The following EXOC6B variants were observed in gnomAD, a reference collection of about 807,000 sequenced individuals.
EXOC6B encodes exocyst complex component 6B, also known as SEC15 homolog B.
EXOC6B carries 54 observed loss-of-function variants against 113.5 expected under a neutral mutation model. The observed-to-expected ratio is 0.48, with a 90% CI of 0.38 to 0.60. The LOEUF is 0.60. Ranked by LOEUF, EXOC6B falls within the 20% of genes least tolerant of loss-of-function variation. The pLI is 0.00. For missense variants in EXOC6B, 797 were observed against 977.5 expected (o/e 0.82, Z 2.46); for synonymous variants, 357 against 339.0 (o/e 1.05, Z -0.58).
chr2:72,281,611 C>T lies in EXOC6B; in HGVS notation c.2196+53336G>A, dbSNP rs372393318. Among the ~76,000 whole-genome samples the T allele has an allele frequency of 5.3e-5, 8 of 152,102 alleles. No homozygotes were observed. The South Asian group carries it at 1.2e-3, about 24-fold the overall frequency. On this transcript the variant is annotated intron_variant, in intron 20 of 21. Coordinates refer to ENST00000272427, the MANE Select transcript of EXOC6B (RefSeq NM_015189.3). ...GACAGAAGCAAAATCTAGACTGAAG[C>T]GGAAAGCAAAACAACATATGTGCAT...
intron 7 of EXOC6B, among the ~76,000 whole-genome samples, chr2:72,561,979 G>T (rs1294584080): frequency 6.6e-6 from 1 of 151,988 alleles, no homozygotes. Context: ...AGTAAAATGG[G>T]GCTTCCGTTC....
At chr2:72,331,295 A>C (rs1216046473) in intron 20 of EXOC6B, among the ~76,000 whole-genome samples, 1 of 152,100 alleles carries the variant, frequency 6.6e-6, no homozygotes, top group Admixed American at 6.6e-5. Flanking sequence ...AGGCACTTAG[A>C]CTTTGATAAA....
At chr2:72,353,023 A>G (rs371848244) in intron 19 of EXOC6B, among the ~76,000 whole-genome samples, 14 of 152,332 alleles carry the variant, frequency 9.2e-5, no homozygotes, top group African/African-American at 2.6e-4. Flanking sequence ...TGAATGCATC[A>G]GAAATTCTTG....
intron 5 of EXOC6B, among the ~76,000 whole-genome samples, chr2:72,726,107 G>A (rs1054747239): frequency 6.6e-6 from 1 of 152,130 alleles, no homozygotes; most frequent in African/African-American, 2.4e-5. Flanking sequence ...CTTCCATTAT[G>A]CTAAGTGGAA....
chr2:72,727,155 A>T (rs1680351105), intron 5 of EXOC6B, among the ~76,000 whole-genome samples: 1 of 152,228 alleles, frequency 6.6e-6, no homozygotes, highest in Admixed American at 6.5e-5. Flanking sequence ...AATATAAAAC[A>T]ACAACCTGAA....
At chr2:72,737,906 G>A (rs982591317) in intron 2 of EXOC6B, among the ~76,000 whole-genome samples, 3 of 151,962 alleles carry the variant, frequency 2.0e-5, no homozygotes, top group Non-Finnish European at 4.4e-5. Context: ...TTAAAATGAT[G>A]AAACATTTTA....
intron 6 of EXOC6B, among the ~76,000 whole-genome samples, chr2:72,636,532 A>AGCGGC (rs1326034321): frequency 6.8e-6 from 1 of 147,580 alleles, no homozygotes; most frequent in Admixed American, 6.7e-5. Context: ...AAGAAGAGGC[A>AGCGGC]GCGGCGGCAG....
At chr2:72,738,670 C>T (rs750488487) in intron 2 of EXOC6B, among the ~76,000 whole-genome samples, 15 of 152,146 alleles carry the variant, frequency 9.9e-5, no homozygotes, top group African/African-American at 3.6e-4. Context: ...CATAGAAAGA[C>T]GCACTATTGA....
At chr2:72,782,349 T>C (rs1684099797) in intron 1 of EXOC6B, among the ~76,000 whole-genome samples, 2 of 152,158 alleles carry the variant, frequency 1.3e-5, no homozygotes, top group Non-Finnish European at 2.9e-5. Flanking sequence ...TCTCATAATT[T>C]CTTTTTGGCT....
At chr2:72,542,980 G>T (rs1337973107) in intron 8 of EXOC6B, among the ~76,000 whole-genome samples, 2 of 152,126 alleles carry the variant, frequency 1.3e-5, no homozygotes, top group African/African-American at 4.8e-5. Context: ...CTGAGTTAAG[G>T]GAGAAAAGGT....
At chr2:72,657,567 CTTTTT>C (rs70963136) in intron 6 of EXOC6B, among the ~76,000 whole-genome samples, 16 of 50,358 alleles carry the variant, frequency 3.2e-4, no homozygotes. Flanking sequence ...CTTTCCTTTT[CTTTTT>C]TTTTTTTTTT....
At chr2:72,592,991 G>A (rs939105939) in intron 6 of EXOC6B, among the ~76,000 whole-genome samples, 31 of 152,106 alleles carry the variant, frequency 2.0e-4, no homozygotes, top group African/African-American at 7.5e-4. Flanking sequence ...AAAAGAAGAG[G>A]TGGAAATTAG....
intron 18 of EXOC6B, among the ~76,000 whole-genome samples, chr2:72,414,486 T>C (rs1694393817): frequency 1.3e-5 from 2 of 152,216 alleles, no homozygotes; most frequent in African/African-American, 4.8e-5. Context: ...AGTGCTTGAC[T>C]CCAGTTAGCT....
chr2:72,690,090 GC>G (rs1677374578), intron 6 of EXOC6B, among the ~76,000 whole-genome samples: 1 of 152,158 alleles, frequency 6.6e-6, no homozygotes, highest in African/African-American at 2.4e-5. Flanking sequence ...TGCCTATGAG[GC>G]TATGAGGAAA....
intron 18 of EXOC6B, among the ~76,000 whole-genome samples, chr2:72,382,782 TTG>T (rs1415629292): frequency 6.6e-6 from 1 of 152,138 alleles, no homozygotes; most frequent in Non-Finnish European, 1.5e-5. Flanking sequence ...TTTTATTTTT[TTG>T]TATGGGATTG....
intron 14 of EXOC6B, among the ~76,000 whole-genome samples, chr2:72,496,131 A>T (rs1378166168): frequency 6.6e-6 from 1 of 152,168 alleles, no homozygotes; most frequent in Non-Finnish European, 1.5e-5. Context: ...AATGTCTTTA[A>T]ATTTTAATAA....
In EXOC6B at chr2:72,317,559, T is replaced by TCACACACACA. The variant is rs72124979; in HGVS notation, c.2196+17378_2196+17387dup. Among the ~76,000 whole-genome samples the TCACACACACA allele has an allele frequency of 5.1e-3, 711 of 140,680 alleles. 3 individuals carry two copies. Among genetic ancestry groups the TCACACACACA allele is most frequent in the African/African-American group, 9.2e-3 (359 of 39,130 alleles). 92.3% of individuals were successfully genotyped at this position (140,680 alleles called of 152,430 possible). On this transcript the variant is annotated intron_variant, in intron 20 of 21. Coordinates refer to ENST00000272427, the MANE Select transcript of EXOC6B (RefSeq NM_015189.3). Reference sequence around the variant, plus strand: ...ACACAGGGAAGCATGTATGAACACATCACACACACACACACACACACACAC... The same window carrying TCACACACACA: ...ACACAGGGAAGCATGTATGAACACATCACACACACACACACACACACACACACACACACAC...
At chr2:72,739,393 A>C (rs774158234) in intron 2 of EXOC6B, among the ~76,000 whole-genome samples, 6 of 152,060 alleles carry the variant, frequency 3.9e-5, no homozygotes, top group Admixed American at 6.5e-5. Flanking sequence ...TTTTTCTATT[A>C]GAATGTTCAC....
At chr2:72,311,371 G>A (rs1232081811) in intron 20 of EXOC6B, among the ~76,000 whole-genome samples, 2 of 152,116 alleles carry the variant, frequency 1.3e-5, no homozygotes, top group South Asian at 2.1e-4. Context: ...GCTGCCAGTT[G>A]AGGATCATTC....
Sources: allele counts gnomAD v4.1 joint callset (sites outside exome capture counted in the v4.1 genomes callset), GRCh38; gene constraint gnomAD v4.1.1; transcripts MANE v1.5; gene names NCBI Gene and HGNC (gene_info 2026-07-23, HGNC 2026-07-21).